Variants in RAD51B observed in about 807,000 individuals in gnomAD.
RAD51B encodes DNA repair protein RAD51 homolog 2.
In RAD51B, 38 loss-of-function variants were observed where a neutral mutation model predicts 42.2. The ratio of observed to expected loss-of-function variants is 0.90; its 90% CI spans 0.70 to 1.18. The LOEUF is 1.18. Among genes scored for constraint, RAD51B ranks in the 50% most tolerant of loss-of-function variants. The pLI is 0.00. For missense variants in RAD51B, 373 were observed against 400.7 expected, an observed-to-expected ratio of 0.93 and a Z score of 0.59; for synonymous variants, 154 against 145.2, an observed-to-expected ratio of 1.06 and a Z score of -0.43.
intron 7 of RAD51B, among the ~76,000 whole-genome samples, chr14:68,126,963 G>T (rs1224996646): frequency 6.6e-6 from 1 of 152,138 alleles, no homozygotes; most frequent in Non-Finnish European, 1.5e-5. Flanking sequence ...ATGTCTGCTG[G>T]TATACATAGA....
At chr14:68,451,441 G>C (rs1373246524) in intron 9 of RAD51B, among the ~76,000 whole-genome samples, 1 of 152,178 alleles carries the variant, frequency 6.6e-6, no homozygotes, top group Non-Finnish European at 1.5e-5. Context: ...ACAGGTTCCT[G>C]GTTATACCCT....
intron 8 of RAD51B, among the ~76,000 whole-genome samples, chr14:68,350,832 G>C (rs560489135): frequency 6.6e-6 from 1 of 152,304 alleles, no homozygotes; most frequent in East Asian, 1.9e-4. Flanking sequence ...TGGGATACTG[G>C]AAGGTAGAAA....
At chr14:68,586,586 G>A (rs1396902693) in intron 10 of RAD51B, among the ~76,000 whole-genome samples, 1 of 152,164 alleles carries the variant, frequency 6.6e-6, no homozygotes, top group African/African-American at 2.4e-5. Context: ...CCAAAGAGTA[G>A]GGCCAGGTGT....
intron 7 of RAD51B, among the ~76,000 whole-genome samples, chr14:68,120,600 A>G (rs1015667739): frequency 1.3e-5 from 2 of 152,136 alleles, no homozygotes; most frequent in African/African-American, 4.8e-5. Context: ...ATTCAGAACC[A>G]CATCTGAGAA....
intron 11 of RAD51B, among the ~76,000 whole-genome samples, chr14:68,659,319 G>A (rs12437314): frequency 0.28 from 42,881 of 152,150 alleles, 7,190 homozygotes; most frequent in East Asian, 0.79. Context: ...AGTCACGCTG[G>A]GGAAGGCGAG....
At chr14:68,303,922 C>G (rs186364488) in intron 8 of RAD51B, among the ~76,000 whole-genome samples, 147 of 152,310 alleles carry the variant, frequency 9.7e-4, no homozygotes, top group African/African-American at 3.4e-3. Context: ...ATAATCCCAG[C>G]ACTTTGGGAG....
intron 8 of RAD51B, among the ~76,000 whole-genome samples, chr14:68,292,265 TG>T (rs2081532244): frequency 6.6e-6 from 1 of 152,224 alleles, no homozygotes; most frequent in Non-Finnish European, 1.5e-5. Context: ...TAAATGACTT[TG>T]TTTTTGAGAC....
At chr14:67,866,170 TGGAA>T (rs747720713) in intron 5 of RAD51B, among the ~76,000 whole-genome samples, 1 of 152,208 alleles carries the variant, frequency 6.6e-6, no homozygotes, top group Non-Finnish European at 1.5e-5. Flanking sequence ...AAAAAATAGT[TGGAA>T]GGGGAACCTT....
intron 7 of RAD51B, among the ~76,000 whole-genome samples, chr14:68,287,576 G>A (rs751739718): frequency 9.2e-5 from 14 of 152,162 alleles, no homozygotes; most frequent in Non-Finnish European, 1.8e-4. Context: ...GTCTTGCATT[G>A]TAATTGGTGG....
intron 7 of RAD51B, among the ~76,000 whole-genome samples, chr14:67,956,494 A>T (rs1243346879): frequency 2.0e-5 from 3 of 151,984 alleles, no homozygotes; most frequent in African/African-American, 7.2e-5. Context: ...AAATGAAATG[A>T]AATGAAATAA....
chr14:68,264,331 G>A (rs2080944456), intron 7 of RAD51B, among the ~76,000 whole-genome samples: 1 of 152,226 alleles, frequency 6.6e-6, no homozygotes, highest in African/African-American at 2.4e-5. Context: ...AGAATTCTAT[G>A]ACTGGGGTTA....
rs941024463 is a variant in RAD51B at position 68,187,462 on chromosome 14, A to T, written c.757-104422A>T. On this transcript the variant is annotated intron_variant, in intron 7 of 10. Transcript: ENST00000471583. ...TTGTTAGTGGTGACACCCACATGGAAGTGCTTATTTTACTTATCCAACTTC... is the reference window on the plus strand; with the variant it reads ...TTGTTAGTGGTGACACCCACATGGATGTGCTTATTTTACTTATCCAACTTC... Among the ~76,000 whole-genome samples, 3 of 152,308 alleles carry T rather than the reference A, an allele frequency of 2.0e-5. No individual in the cohort carries two copies. In the East Asian group the frequency reaches 5.8e-4, roughly 29 times the overall value.
At chr14:67,995,788 T>A (rs1474087741) in intron 7 of RAD51B, among the ~76,000 whole-genome samples, 1 of 151,762 alleles carries the variant, frequency 6.6e-6, no homozygotes, top group Admixed American at 6.6e-5. Flanking sequence ...TGGCTAATTT[T>A]TTGTATTTTT....
intron 4 of RAD51B, among the ~76,000 whole-genome samples, chr14:67,847,184 G>T (rs1442527703): frequency 6.6e-6 from 1 of 152,090 alleles, no homozygotes; most frequent in Non-Finnish European, 1.5e-5. Flanking sequence ...AAAGATCTCA[G>T]AATGTGCCAG....
chr14:68,390,311 C>A (rs2083709470), intron 8 of RAD51B, among the ~76,000 whole-genome samples: 1 of 152,178 alleles, frequency 6.6e-6, no homozygotes, highest in Non-Finnish European at 1.5e-5. Flanking sequence ...TTCATTTATT[C>A]CTAGATGTTC....
chr14:68,303,448 A>G (rs2081789234), intron 8 of RAD51B, among the ~76,000 whole-genome samples: 1 of 107,818 alleles, frequency 9.3e-6, no homozygotes, highest in African/African-American at 3.8e-5. Context: ...CCCAGAATAT[A>G]AAGTATAATA....
chr14:68,011,356 A>G (rs2075681420), intron 7 of RAD51B, among the ~76,000 whole-genome samples: 1 of 152,072 alleles, frequency 6.6e-6, no homozygotes, highest in African/African-American at 2.4e-5. Context: ...CCTCACTCCC[A>G]TATCCATTCC....
chr14:68,261,762 T>C (rs17105278), intron 7 of RAD51B, among the ~76,000 whole-genome samples: 52,981 of 151,206 alleles, frequency 0.35, 10,502 homozygotes, highest in African/African-American at 0.53. Flanking sequence ...TATCCCAAAG[T>C]GAGCAGAACT....
At chr14:67,988,083 C>G (rs1291485460) in intron 7 of RAD51B, among the ~76,000 whole-genome samples, 2 of 152,122 alleles carry the variant, frequency 1.3e-5, no homozygotes, top group African/African-American at 4.8e-5. Context: ...TTCAGATTAT[C>G]TAGTTATGTG....
Sources: gnomAD v4.1 joint callset for allele counts (sites outside exome capture counted in the v4.1 genomes callset) on GRCh38, gnomAD v4.1.1 for gene constraint, MANE v1.5 for transcripts, NCBI Gene and HGNC (gene_info 2026-07-23, HGNC 2026-07-21) for gene names.